HTR3A: variants seen among roughly 807,000 people sequenced by gnomAD.
HTR3A encodes the protein 5-hydroxytryptamine receptor 3A.
In HTR3A, 45 loss-of-function variants were observed where a neutral mutation model predicts 54.8. The ratio of observed to expected loss-of-function variants is 0.82; its 90% CI spans 0.65 to 1.05. HTR3A has a LOEUF of 1.05. Among genes scored for constraint, HTR3A ranks in the 50% least tolerant of loss-of-function variants. The pLI, the probability that HTR3A is intolerant of heterozygous loss-of-function variation, is 0.00. For missense variants in HTR3A, 657 were observed against 614.0 expected (o/e 1.07, Z -0.74); for synonymous variants, 297 against 256.0 (o/e 1.16, Z -1.53).
chr11:113,985,320 G>A (rs1211214235), intron 5 of HTR3A, among the ~76,000 whole-genome samples: 4 of 151,970 alleles, frequency 2.6e-5, no homozygotes, highest in Admixed American at 1.3e-4. Flanking sequence ...TGCACATTTA[G>A]GTCTTCCTCA....
chr11:113,987,090 G>A, intron 8 of HTR3A, 44 bp downstream of exon 8: 1 of 1,595,672 alleles, frequency 6.3e-7, no homozygotes, highest in Non-Finnish European at 8.6e-7. Context: ...GGCTGCTTCT[G>A]GCTTGGATGT....
intron 1 of HTR3A, among the ~76,000 whole-genome samples, chr11:113,976,089 C>G (rs1950348012): frequency 6.6e-6 from 1 of 152,122 alleles, no homozygotes; most frequent in Non-Finnish European, 1.5e-5. Flanking sequence ...GGAGGTTTCT[C>G]TCCCTACAGA....
chr11:113,983,433 G>A (rs570446906), intron 5 of HTR3A, 144 bp downstream of exon 5: 2 of 834,606 alleles, frequency 2.4e-6, no homozygotes, highest in East Asian at 2.5e-5. Context: ...TCTGCATGAG[G>A]TAGATCTGCT....
chr11:113,978,274 A>G (rs1591600498), intron 2 of HTR3A, among the ~76,000 whole-genome samples: 1 of 152,192 alleles, frequency 6.6e-6, no homozygotes, highest in African/African-American at 2.4e-5. Context: ...CATCCCTGGT[A>G]CCTGGCAGGT....
chr11:113,976,013 T>C (rs1054106098), intron 1 of HTR3A, among the ~76,000 whole-genome samples: 1 of 152,128 alleles, frequency 6.6e-6, no homozygotes, highest in Non-Finnish European at 1.5e-5. Flanking sequence ...CTCCCTTGAA[T>C]GTAGGGTGTT....
At chr11:113,980,835 G>A (rs1310833295) in intron 3 of HTR3A, among the ~76,000 whole-genome samples, 1 of 152,230 alleles carries the variant, frequency 6.6e-6, no homozygotes, top group Non-Finnish European at 1.5e-5. Context: ...CTTAACAAGA[G>A]CGGTCTCCAC....
In HTR3A at chr11:113,981,212, G is replaced by A. The variant is rs368237294; in HGVS notation, c.274G>A (p.Asp92Asn). 3.7e-6 allele frequency: 6 copies of A among 1,608,278 alleles called. No homozygotes were observed. In the African/African-American group the frequency reaches 6.7e-5, roughly 18 times the overall value. Reference sequence around the variant, plus strand: ...CCTGCTCCTCCCCTAGTACTGGACTGATGAGTTTCTCCAGTGGAACCCTGA... The same window carrying A: ...CCTGCTCCTCCCCTAGTACTGGACTAATGAGTTTCTCCAGTGGAACCCTGA... ...TYIWYRQYWT[D>N]EFLQWNPEDF... The change falls in exon 4 of 9, where the codon GAT becomes AAT. Residue 92 changes from aspartate (D) to asparagine (N), a missense_variant. Transcript: ENST00000504030.
chr11:113,989,378 A>T lies in HTR3A; in HGVS notation c.1139-87A>T, dbSNP rs1950525229. The T allele has an allele frequency of 4.7e-6, 7 of 1,497,432 alleles. No homozygotes were observed. Among genetic ancestry groups the T allele is most frequent in the Non-Finnish European group, 6.5e-6 (7 of 1,077,374 alleles). The allele number at this position is 1,497,432 out of a possible 1,614,324, so 92.8% of individuals were successfully genotyped here. A position where few individuals can be genotyped will look rare whatever the true frequency, so the allele number is the denominator to read the frequency against. On this transcript the variant is annotated intron_variant, in intron 8 of 8. Transcript: ENST00000504030. The surrounding 1 kb of genome is among the most constrained non-coding windows in gnomAD (Gnocchi z 4.4). ...AAAAAAAAAGTTATTCCCAACAAAA[A>T]TTTACAGGCTATAGAAGCATAAGGA...
In HTR3A at chr11:113,989,578, C is replaced by T. The variant is rs753495721; in HGVS notation, c.1252C>T (p.Leu418=). The change falls in exon 9 of 9, where the codon CTG becomes TTG. Residue 418 remains leucine, a synonymous_variant. Transcript: ENST00000504030. This position sits in a 1 kb window ranked among gnomAD's most constrained non-coding sequence, Gnocchi z 4.4. ...PREASLAVCG[L]LQELSSIRQF... ...GGAGGCCTCGCTGGCGGTGTGTGGG[C>T]TGCTGCAGGAGCTGTCCTCCATCCG... The T allele has an allele frequency of 6.2e-7, 1 of 1,614,204 alleles. No individual in the cohort carries two copies. The highest frequency in any genetic ancestry group is 1.7e-5 in the Admixed American group (1 of 60,028).
chr11:113,982,926 G>C (rs1950438000), intron 4 of HTR3A, among the ~76,000 whole-genome samples, 194 bp from the exon 5 acceptor site: 1 of 152,192 alleles, frequency 6.6e-6, no homozygotes, highest in Non-Finnish European at 1.5e-5. Context: ...TTGAAAACTA[G>C]CCTTGACAAC....
At chr11:113,984,661 G>A (rs1219178952) in intron 5 of HTR3A, among the ~76,000 whole-genome samples, 1 of 152,114 alleles carries the variant, frequency 6.6e-6, no homozygotes, top group Non-Finnish European at 1.5e-5. Flanking sequence ...GCTCACGCCT[G>A]TAATCCCAGC....
intron 3 of HTR3A, 198 bp from the exon 4 acceptor site, chr11:113,981,005 T>C: frequency 1.7e-6 from 1 of 594,084 alleles, no homozygotes; most frequent in Non-Finnish European, 3.1e-6. Flanking sequence ...AGTTGTTATG[T>C]GTGGAGGCAG....
At chr11:113,987,159 C>A in intron 8 of HTR3A, 113 bp downstream of exon 8, 2 of 1,130,516 alleles carry the variant, frequency 1.8e-6, no homozygotes, top group Non-Finnish European at 1.3e-6. Flanking sequence ...CACATGGCAT[C>A]CCATGCCCTG....
At chr11:113,976,355 G>A (rs954873517) in intron 1 of HTR3A, among the ~76,000 whole-genome samples, 2 of 152,018 alleles carry the variant, frequency 1.3e-5, no homozygotes, top group South Asian at 2.1e-4. Context: ...AGCTGGTCAG[G>A]ATCCCAGTCA....
chr11:113,978,940 G>A (rs528149753), intron 2 of HTR3A, among the ~76,000 whole-genome samples: 3 of 152,216 alleles, frequency 2.0e-5, no homozygotes, highest in Non-Finnish European at 4.4e-5. Flanking sequence ...AATGAGCTGA[G>A]ATTGTGCCAC....
At position 113,977,786 on chromosome 11, in the gene HTR3A, ACAC is replaced by A; in HGVS notation, c.89_91del (p.Thr30del). 6.2e-7 allele frequency: 1 copy of A among 1,614,122 alleles called. No individual in the cohort carries two copies. Among genetic ancestry groups the A allele is most frequent in the Non-Finnish European group, 8.5e-7 (1 of 1,180,034 alleles). On this transcript the variant is annotated inframe_deletion, in exon 2 of 9. Transcript: ENST00000504030. ...TCCTTCCCAGCCAGGAGGAGCCGAA[ACAC>A]CACCAGGCCCGCTCTGCTGAGGCTG...
intron 1 of HTR3A, chr11:113,977,471 T>C: frequency 1.3e-6 from 2 of 1,521,830 alleles, no homozygotes; most frequent in South Asian, 2.4e-5. Context: ...TGCTCCGACC[T>C]TCTTAGCCCT....
At chr11:113,982,736 C>T (rs957718414) in intron 4 of HTR3A, among the ~76,000 whole-genome samples, 3 of 152,224 alleles carry the variant, frequency 2.0e-5, no homozygotes, top group Non-Finnish European at 4.4e-5. Flanking sequence ...TTTCACCAAG[C>T]CTGCCTGGTC....
chr11:113,986,174 A>G lies in HTR3A; in HGVS notation c.704A>G (p.Tyr235Cys), dbSNP rs766819242. 1.2e-6 allele frequency: 2 copies of G among 1,614,176 alleles called. No homozygotes were observed. The highest frequency in any genetic ancestry group is 2.2e-5 in the East Asian group (1 of 44,886). The change falls in exon 6 of 9, where the codon TAT becomes TGT. Residue 235 changes from tyrosine (Y) to cysteine (C), a missense_variant and splice_region_variant. Coordinates refer to ENST00000504030, the MANE Select transcript of HTR3A (RefSeq NM_000869.6). ...AACTACTATGCAGAAATGAAGTTCT[A>G]TGTGAGTGGGAGTGAATGTGGGTAA... ...SSNYYAEMKF[Y>C]VVIRRRPLFY...
Sources: allele counts gnomAD v4.1 joint callset (sites outside exome capture counted in the v4.1 genomes callset), GRCh38; gene constraint gnomAD v4.1.1; non-coding constraint Gnocchi (gnomAD v3.1); transcripts MANE v1.5; gene names NCBI Gene and HGNC (gene_info 2026-07-23, HGNC 2026-07-21).